Variants in HENMT1 observed in about 807,000 individuals in gnomAD.
HENMT1 encodes small RNA 2'-O-methyltransferase.
HENMT1 carries 27 observed loss-of-function variants against 31.1 expected under a neutral mutation model. The ratio of observed to expected loss-of-function variants is 0.87; its 90% CI spans 0.64 to 1.20. The LOEUF (loss-of-function observed/expected upper bound fraction) is 1.20, where lower values mean the gene tolerates loss of function less well. HENMT1 is among the 50% of genes most tolerant of loss of function. The pLI, the probability that HENMT1 is intolerant of heterozygous loss-of-function variation, is 0.00. For synonymous variants in HENMT1, 167 were observed against 172.2 expected (o/e 0.97, Z 0.24); for missense variants, 438 against 469.6 (o/e 0.93, Z 0.62).
At chr1:108,650,185 A>G in intron 7 of HENMT1, 26 bp downstream of exon 7, 1 of 1,607,088 alleles carries the variant, frequency 6.2e-7, no homozygotes, top group Non-Finnish European at 8.5e-7. Flanking sequence ...TCTAGCCCTG[A>G]TAGCTATCTC....
intron 7 of HENMT1, chr1:108,649,873 C>A (rs867366116): frequency 2.6e-6 from 1 of 377,760 alleles, no homozygotes; most frequent in East Asian, 6.8e-5. Context: ...AGGCTGCACT[C>A]GAACTCCTGG....
Position 108,648,657 on chromosome 1 carries a change from G to C in HENMT1, c.1091C>G (p.Ser364Ter), listed in dbSNP as rs1170938543. 5.0e-6 allele frequency: 8 copies of C among 1,614,140 alleles called. No homozygotes were observed. Among genetic ancestry groups the C allele is most frequent in the Middle Eastern group, 1.6e-4 (1 of 6,062 alleles). ...CAGAGGAATTGAGTCAGCAATGACT[G>C]ATCTCATCATCTCTTCATTAGCACA... ...RLCANEEMMR[S>*]VIADSIPLSS... The change falls in exon 8 of 8, where the codon TCA becomes TGA. Residue 364 changes from serine to a stop codon, truncating the protein, a stop_gained. Transcript: ENST00000651461. LOFTEE classifies it low-confidence loss of function (END_TRUNC).
intron 7 of HENMT1, chr1:108,649,559 T>C (rs1339794656): frequency 2.8e-6 from 1 of 356,440 alleles, no homozygotes; most frequent in African/African-American, 2.1e-5. Flanking sequence ...AAGGTTACAG[T>C]GAGCCATGAT....
intron 2 of HENMT1, among the ~76,000 whole-genome samples, chr1:108,657,828 A>G (rs918620230): frequency 5.3e-5 from 8 of 152,194 alleles, no homozygotes; most frequent in African/African-American, 1.9e-4. Flanking sequence ...TTTCAGCTGA[A>G]GGGAACATTA....
intron 3 of HENMT1, 102 bp downstream of exon 3, chr1:108,657,348 AC>A (rs1658276322): frequency 5.1e-6 from 4 of 778,904 alleles, no homozygotes; most frequent in Non-Finnish European, 8.5e-6. Flanking sequence ...TATTGCAATA[AC>A]CCCTGTGAAA....
intron 2 of HENMT1, among the ~76,000 whole-genome samples, chr1:108,659,116 TCTG>T (rs1165776475): frequency 1.3e-5 from 2 of 152,232 alleles, no homozygotes; most frequent in Admixed American, 1.3e-4. Flanking sequence ...ATTTTGTACT[TCTG>T]CGTCTCAGTT....
intron 5 of HENMT1, 33 bp downstream of exon 5, chr1:108,654,683 A>T: frequency 6.3e-7 from 1 of 1,598,576 alleles, no homozygotes; most frequent in South Asian, 1.1e-5. Flanking sequence ...TTTTCAAATG[A>T]ACAGTTATAC....
chr1:108,648,640 T>A lies in HENMT1; in HGVS notation c.1108A>T (p.Ile370Phe). Residue 370 changes from isoleucine to phenylalanine, a missense_variant, in exon 8 of 8, where the codon ATT becomes TTT. Ile to Phe is a conservative substitution (Grantham distance 21, BLOSUM62 0). Coordinates refer to ENST00000651461, the MANE Select transcript of HENMT1 (RefSeq NM_001102592.2). ...EMMRSVIADS[I>F]PLSSDGSAVV... ...GCAGAACCATCACTGCTCAGAGGAA[T>A]TGAGTCAGCAATGACTGATCTCATC... 3 of 1,614,224 alleles carry A rather than the reference T, an allele frequency of 1.9e-6. No homozygotes were observed. Among genetic ancestry groups the A allele is most frequent in the Non-Finnish European group, 2.5e-6 (3 of 1,180,022 alleles).
chr1:108,654,075 T>A (rs959055566), intron 5 of HENMT1, among the ~76,000 whole-genome samples: 1 of 152,178 alleles, frequency 6.6e-6, no homozygotes, highest in African/African-American at 2.4e-5. Flanking sequence ...CAGTGAGAGA[T>A]AGGAGTCTAA....
chr1:108,651,730 G>GAGAGAAGAGA lies in HENMT1; in HGVS notation c.399-531_399-522dup, dbSNP rs200491008. Among the ~76,000 whole-genome samples, 21 of 146,656 alleles carry GAGAGAAGAGA rather than the reference G, an allele frequency of 1.4e-4. No individual in the cohort carries two copies. The South Asian group carries it at 4.5e-3, about 32-fold the overall frequency. On this transcript the variant is annotated intron_variant, in intron 5 of 7. Transcript: ENST00000651461. ...AGACAGACAGAAAGAAAGAGAAAGA[G>GAGAGAAGAGA]AGAGAAGAGAAGAGAGGGGAAGGGA...
chr1:108,658,415 A>T (rs1004950324), intron 2 of HENMT1, among the ~76,000 whole-genome samples: 1 of 152,010 alleles, frequency 6.6e-6, no homozygotes, highest in Non-Finnish European at 1.5e-5. Context: ...TTACAGGTGT[A>T]AGCCACCACA....
Position 108,651,297 on chromosome 1 carries a change from T to TCC in HENMT1, c.399-89_399-88insGG, listed in dbSNP as rs1658046998. The TCC allele has an allele frequency of 4.6e-6, 5 of 1,079,530 alleles. No individual in the cohort carries two copies. In the Admixed American group the frequency reaches 1.2e-4, roughly 25 times the overall value. The allele number at this position is 1,079,530 out of a possible 1,614,324, so 66.9% of individuals were successfully genotyped here. ...TGATTTATCAAAAACAATTTCCATC[T>TCC]GTGTATCGATTTCTCCCTTCTTTGA... is the stretch of plus-strand genomic sequence containing the variant. On this transcript the variant is annotated intron_variant, in intron 5 of 7. Transcript: ENST00000651461.
At chr1:108,658,138 T>A (rs1023240829) in intron 2 of HENMT1, among the ~76,000 whole-genome samples, 4 of 150,576 alleles carry the variant, frequency 2.7e-5, no homozygotes, top group African/African-American at 7.4e-5. Context: ...TATATATTTT[T>A]TTTTTCCCCC....
upstream of HENMT1, chr1:108,661,378 C>T (rs912960353): frequency 2.6e-5 from 4 of 152,286 alleles, no homozygotes; most frequent in African/African-American, 9.6e-5. Flanking sequence ...CCGTTGACCC[C>T]GCTAGCGTGC....
At chr1:108,650,154 A>C (rs1421588475) in intron 7 of HENMT1, 57 bp downstream of exon 7, 10 of 1,517,224 alleles carry the variant, frequency 6.6e-6, no homozygotes, top group Non-Finnish European at 8.2e-6. Flanking sequence ...TCCCCAAAAA[A>C]GTTCACCATC....
intron 2 of HENMT1, among the ~76,000 whole-genome samples, chr1:108,658,411 G>A (rs1658332250): frequency 1.3e-5 from 2 of 152,114 alleles, no homozygotes; most frequent in African/African-American, 4.8e-5. Context: ...GGGATTACAG[G>A]TGTAAGCCAC....
chr1:108,651,055 A>T lies in HENMT1; in HGVS notation c.553T>A (p.Trp185Arg), dbSNP rs769872972. 6.2e-7 allele frequency: 1 copy of T among 1,613,890 alleles called. No homozygotes were observed. Among genetic ancestry groups the T allele is most frequent in the Non-Finnish European group, 8.5e-7 (1 of 1,179,828 alleles). ...TLRDSDHKFEWTRMEFQTWAL... is the reference protein window; with the variant it reads ...TLRDSDHKFERTRMEFQTWAL... ...CAGGTCTGAAACTCCATTCTGGTCC[A>T]CTCAAATTTATGATCTGAATCTCTT... The change falls in exon 6 of 8, where the codon TGG (tryptophan) becomes AGG (arginine). Residue 185 changes from tryptophan to arginine, a missense_variant. Transcript: ENST00000651461.
intron 5 of HENMT1, among the ~76,000 whole-genome samples, chr1:108,653,345 C>T (rs949102683): frequency 3.3e-5 from 5 of 152,202 alleles, no homozygotes; most frequent in African/African-American, 1.2e-4. Context: ...ATCCATTCAT[C>T]TACTGATGGA....
At chr1:108,657,712 G>C (rs1291407888) in intron 2 of HENMT1, 133 bp from the exon 3 acceptor site, 2 of 781,104 alleles carry the variant, frequency 2.6e-6, no homozygotes, top group Admixed American at 5.7e-5. Flanking sequence ...CATACCCTTT[G>C]TCCTAAAATC....
Sources: gnomAD v4.1 joint callset for allele counts (sites outside exome capture counted in the v4.1 genomes callset) on GRCh38, gnomAD v4.1.1 for gene constraint, MANE v1.5 for transcripts, NCBI Gene and HGNC (gene_info 2026-07-23, HGNC 2026-07-21) for gene names.